The following CWC27 variants were observed in gnomAD, a reference collection of about 807,000 sequenced individuals.
CWC27 encodes spliceosome-associated protein CWC27 homolog.
Under a neutral mutation model 63.6 loss-of-function variants are expected in CWC27, and 47 were observed. The observed-to-expected ratio is 0.74, with a 90% CI of 0.58 to 0.94. The LOEUF (loss-of-function observed/expected upper bound fraction) is 0.94, where lower values mean the gene tolerates loss of function less well. Ranked by LOEUF, CWC27 falls within the 40% of genes least tolerant of loss-of-function variation. The pLI is 0.00. For missense variants in CWC27, 495 were observed against 554.3 expected (o/e 0.89, Z 1.07); for synonymous variants, 175 against 179.8 (o/e 0.97, Z 0.22).
intron 13 of CWC27, among the ~76,000 whole-genome samples, chr5:64,990,276 T>TG (rs1455202284): frequency 2.3e-5 from 1 of 42,912 alleles, no homozygotes; most frequent in African/African-American, 9.7e-5. Context: ...GTTTTTTTTT[T>TG]TTTTTTGAGA....
chr5:64,971,130 A>G (rs1248847824), intron 11 of CWC27, among the ~76,000 whole-genome samples: 1 of 152,208 alleles, frequency 6.6e-6, no homozygotes, highest in Non-Finnish European at 1.5e-5. Context: ...TAATCTTCAC[A>G]TAGAATTATT....
intron 11 of CWC27, among the ~76,000 whole-genome samples, chr5:64,916,525 G>A (rs979149478): frequency 4.6e-5 from 7 of 152,096 alleles, no homozygotes; most frequent in African/African-American, 1.7e-4. Flanking sequence ...AGGAGGGGCC[G>A]AAAGACCAGG....
chr5:64,869,582 A>G (rs748845000), intron 10 of CWC27, among the ~76,000 whole-genome samples: 8 of 152,090 alleles, frequency 5.3e-5, no homozygotes, highest in Non-Finnish European at 1.0e-4. Flanking sequence ...CCTAGGAATG[A>G]GTCAGCTCTT....
chr5:64,807,928 T>C, intron 10 of CWC27: 1 of 1,431,060 alleles, frequency 7.0e-7, no homozygotes, highest in South Asian at 1.5e-5. Context: ...ATACATATCA[T>C]CTAGCTTCTC....
chr5:64,936,847 A>G (rs1038033155), intron 11 of CWC27, among the ~76,000 whole-genome samples: 9 of 152,072 alleles, frequency 5.9e-5, no homozygotes, highest in Admixed American at 1.3e-4. Context: ...TGTGTCCAGG[A>G]ATTTATCTAT....
At chr5:64,895,367 T>C (rs548073032) in intron 11 of CWC27, among the ~76,000 whole-genome samples, 20 of 151,344 alleles carry the variant, frequency 1.3e-4, no homozygotes, top group Middle Eastern at 3.4e-3. Flanking sequence ...AAGAAAAAAT[T>C]TGAGGGACAT....
chr5:64,853,178 A>G (rs1746178008), intron 10 of CWC27, among the ~76,000 whole-genome samples: 1 of 152,212 alleles, frequency 6.6e-6, no homozygotes, highest in African/African-American at 2.4e-5. Flanking sequence ...CAGGTAGACC[A>G]GGTCCAAAAT....
intron 10 of CWC27, among the ~76,000 whole-genome samples, chr5:64,821,357 A>G (rs1159976145): frequency 2.0e-5 from 3 of 152,150 alleles, no homozygotes; most frequent in Non-Finnish European, 4.4e-5. Flanking sequence ...AATTTTTTAA[A>G]TGGTCACAAG....
At chr5:64,771,164 A>T (rs1743240776) in intron 1 of CWC27, among the ~76,000 whole-genome samples, 1 of 152,256 alleles carries the variant, frequency 6.6e-6, no homozygotes, top group African/African-American at 2.4e-5. Flanking sequence ...TTTTTCCAGC[A>T]TAAGGCTCAT....
At chr5:64,900,392 A>AT (rs1023029649) in intron 11 of CWC27, among the ~76,000 whole-genome samples, 11 of 151,986 alleles carry the variant, frequency 7.2e-5, no homozygotes, top group Non-Finnish European at 1.5e-5. Context: ...CTTTTTATCC[A>AT]TTTTTTATTG....
At chr5:64,874,608 A>T (rs1252449382) in intron 10 of CWC27, among the ~76,000 whole-genome samples, 1 of 152,174 alleles carries the variant, frequency 6.6e-6, no homozygotes, top group East Asian at 1.9e-4. Flanking sequence ...CTGGAGTTAC[A>T]GACACGCACC....
At chr5:64,894,149 C>G (rs1170389523) in intron 11 of CWC27, among the ~76,000 whole-genome samples, 1 of 152,006 alleles carries the variant, frequency 6.6e-6, no homozygotes, top group South Asian at 2.1e-4. Flanking sequence ...AGGCTGGTCT[C>G]GAACTCCAGA....
At position 64,817,485 on chromosome 5, in the gene CWC27, A is replaced by T. The variant is rs1032535239; in HGVS notation, c.938+13099A>T. Among the ~76,000 whole-genome samples the T allele has an allele frequency of 3.9e-5, 6 of 152,274 alleles. No homozygotes were observed. In the East Asian group the frequency reaches 1.2e-3, roughly 29 times the overall value. On this transcript the variant is annotated intron_variant, in intron 10 of 13. Transcript: ENST00000381070. ...AATTTAGAAATCATTTTTTTCTACA[A>T]AGTTCTACAACTTTTTAAGAACTAA...
rs148625047 is a variant in CWC27 at position 64,789,676 on chromosome 5, C to T, written c.669+656C>T. On this transcript the variant is annotated intron_variant, in intron 7 of 13. Transcript: ENST00000381070. ...CTTCAATATTGCTTGCATCATAATA[C>T]GCATTACTGAAACACGGTGTCATGC... Among the ~76,000 whole-genome samples, 925 of 152,122 alleles carry T rather than the reference C, an allele frequency of 6.1e-3. 6 individuals carry two copies. The highest frequency in any genetic ancestry group is 0.021 in the African/African-American group (865 of 41,504).
intron 2 of CWC27, among the ~76,000 whole-genome samples, chr5:64,779,817 G>C (rs1019662952): frequency 2.0e-5 from 3 of 152,114 alleles, no homozygotes; most frequent in African/African-American, 4.8e-5. Context: ...CTCCCTTACT[G>C]TTCTTGTGAT....
At chr5:64,970,060 T>C (rs1749089112) in intron 11 of CWC27, among the ~76,000 whole-genome samples, 1 of 152,142 alleles carries the variant, frequency 6.6e-6, no homozygotes, top group Non-Finnish European at 1.5e-5. Flanking sequence ...GAGACGTAAC[T>C]GGAAAGCAAA....
intron 10 of CWC27, among the ~76,000 whole-genome samples, chr5:64,860,382 G>T (rs946254637): frequency 2.6e-5 from 4 of 152,110 alleles, no homozygotes; most frequent in African/African-American, 9.7e-5. Flanking sequence ...CAAAGCTTTT[G>T]TCTACCCCGA....
At chr5:64,877,295 T>C (rs1287863901) in intron 10 of CWC27, among the ~76,000 whole-genome samples, 1 of 151,962 alleles carries the variant, frequency 6.6e-6, no homozygotes, top group Non-Finnish European at 1.5e-5. Context: ...CTGTGTTAAG[T>C]GAAATAAGCC....
rs370659160 is a variant in CWC27, at chr5:64,957,522, C to T, written c.1043-14181C>T. ...AATGAGCAAATTTAAACAGGAACAACAAACTACAGCTGATAGGTAGAAAGC... is the reference window on the plus strand; with the variant it reads ...AATGAGCAAATTTAAACAGGAACAATAAACTACAGCTGATAGGTAGAAAGC... On this transcript the variant is annotated intron_variant, in intron 11 of 13. Coordinates refer to ENST00000381070, the MANE Select transcript of CWC27 (RefSeq NM_005869.4). 3.1e-4 allele frequency among the ~76,000 whole-genome samples: 47 copies of T among 152,298 alleles called. No individual in the cohort carries two copies. In the East Asian group the frequency reaches 6.4e-3, roughly 21 times the overall value.
Sources: gnomAD v4.1 joint callset for allele counts (sites outside exome capture counted in the v4.1 genomes callset) on GRCh38, gnomAD v4.1.1 for gene constraint, MANE v1.5 for transcripts, NCBI Gene and HGNC (gene_info 2026-07-23, HGNC 2026-07-21) for gene names.